The following ACP4 variants were observed in gnomAD, a reference collection of about 807,000 sequenced individuals.
ACP4 encodes the protein testicular acid phosphatase.
A neutral mutation model predicts 47.3 loss-of-function variants in ACP4; 49 were observed. The observed-to-expected ratio is 1.04, with a 90% CI of 0.82 to 1.32. The LOEUF is 1.32. Among genes scored for constraint, ACP4 ranks in the 40% most tolerant of loss-of-function variants. ACP4 has a pLI of 0.00. For missense variants in ACP4, 594 were observed against 579.3 expected, an observed-to-expected ratio of 1.03 and a Z score of -0.26; for synonymous variants, 299 against 265.3, an observed-to-expected ratio of 1.13 and a Z score of -1.23.
chr19:50,795,202 C>T lies in ACP4; in HGVS notation c.*44C>T. The T allele has an allele frequency of 6.8e-7, 1 of 1,470,278 alleles. No homozygotes were observed. Among genetic ancestry groups the T allele is most frequent in the Non-Finnish European group, 9.1e-7 (1 of 1,098,464 alleles). The allele number at this position is 1,470,278 out of a possible 1,614,324, so 91.1% of individuals were successfully genotyped here. ...CCTACCCCCAGCTGACACTGGACCCCAACATGTATGCTCAGTAGCTGCTCT... is the reference window on the plus strand; with the variant it reads ...CCTACCCCCAGCTGACACTGGACCCTAACATGTATGCTCAGTAGCTGCTCT... On this transcript the variant is annotated 3_prime_UTR_variant, in exon 11 of 11. Coordinates refer to ENST00000270593, the MANE Select transcript of ACP4 (RefSeq NM_033068.3).
intron 6 of ACP4, chr19:50,793,442 G>C: frequency 3.8e-6 from 2 of 522,626 alleles, no homozygotes; most frequent in East Asian, 3.1e-5. Context: ...CTGAACCCGA[G>C]AGGCAAGGGT....
In ACP4 at chr19:50,790,442, C is replaced by T; in HGVS notation, c.28C>T (p.Pro10Ser). The T allele has an allele frequency of 1.3e-6, 2 of 1,586,404 alleles. No individual in the cohort carries two copies. Among genetic ancestry groups the T allele is most frequent in the East Asian group, 4.5e-5 (2 of 44,000 alleles). The change falls in exon 1 of 11, where the codon CCT becomes TCT. Residue 10 changes from proline to serine, a missense_variant. By Grantham distance (74) the Pro-to-Ser change is moderately conservative. Transcript: ENST00000270593. The stretch of plus-strand genomic sequence containing the variant: ...GGCCGGCCTGGGGTTTTGGGGCCAC[C>T]CTGCTGGACCTCTCCTGCTGCTGCT... MAGLGFWGH[P>S]AGPLLLLLLL...
rs112181425 is a variant in ACP4, at chr19:50,794,338, G to T, written c.862-119G>T. ...GTACTGCCTTCAGGATGGGAGGAAG[G>T]AGTAGCTTTGGGGGGTTGGTTCTAA... On this transcript the variant is annotated intron_variant, in intron 8 of 10. Coordinates refer to ENST00000270593, the MANE Select transcript of ACP4 (RefSeq NM_033068.3). 1.7e-3 allele frequency: 2,357 copies of T among 1,405,890 alleles called. 40 individuals carry two copies. In the African/African-American group the frequency reaches 0.029, roughly 17 times the overall value. The allele number at this position is 1,405,890 out of a possible 1,614,324, so 87.1% of individuals were successfully genotyped here. A position where few individuals can be genotyped will look rare whatever the true frequency, so the allele number is the denominator to read the frequency against.
Position 50,793,934 on chromosome 19 carries a change from C to G in ACP4, c.825C>G (p.Arg275=). The G allele has an allele frequency of 6.2e-7, 1 of 1,614,134 alleles. No homozygotes were observed. The highest frequency in any genetic ancestry group is 1.3e-5 in the African/African-American group (1 of 75,050). ...TTGCAAACTTCTCCCGGGTCCAGCGCCTGGGGCTGCCCCTCAAGATGGTCA... is the reference window on the plus strand; with the variant it reads ...TTGCAAACTTCTCCCGGGTCCAGCGGCTGGGGCTGCCCCTCAAGATGGTCA... ...AILANFSRVQ[R]LGLPLKMVMY... The change falls in exon 8 of 11, where the codon CGC becomes CGG. Residue 275 remains arginine, a synonymous_variant. Transcript: ENST00000270593.
At chr19:50,794,308 T>G in intron 8 of ACP4, 149 bp from the exon 9 acceptor site, 1 of 1,173,598 alleles carries the variant, frequency 8.5e-7, no homozygotes, top group South Asian at 1.5e-5. Context: ...CGCCTGCAAA[T>G]GTTGGTACTG....
At position 50,793,682 on chromosome 19, in the gene ACP4, A is replaced by G. The variant is rs781357596; in HGVS notation, c.646-2A>G. 6.2e-7 allele frequency: 1 copy of G among 1,613,022 alleles called. No homozygotes were observed. The highest frequency in any genetic ancestry group is 1.1e-5 in the South Asian group (1 of 91,052). On this transcript the variant is annotated splice_acceptor_variant, in intron 6 of 10. Transcript: ENST00000270593. LOFTEE classifies it high-confidence loss of function. ...TGGTCCATCTGTCCTGTCTCCCCACAGCAAGCCCACGGTCTTCCACTACCA... is the reference window on the plus strand; with the variant it reads ...TGGTCCATCTGTCCTGTCTCCCCACGGCAAGCCCACGGTCTTCCACTACCA...
chr19:50,794,672 G>T, intron 9 of ACP4, 91 bp downstream of exon 9: 1 of 1,601,388 alleles, frequency 6.2e-7, no homozygotes. Context: ...GCCAGGTGGG[G>T]AGCTGCATGG....
chr19:50,791,803 G>T lies in ACP4; in HGVS notation c.450+1G>T, dbSNP rs1288103573. ...CACGGTGCCCGTGGCTGAGGATAAG[G>T]TCAGGGGGCTGGACCCACGTGTGGC... On this transcript the variant is annotated splice_donor_variant, in intron 4 of 10. Coordinates refer to ENST00000270593, the MANE Select transcript of ACP4 (RefSeq NM_033068.3). LOFTEE classifies it high-confidence loss of function. The T allele has an allele frequency of 6.3e-7, 1 of 1,597,662 alleles. No homozygotes were observed. Among genetic ancestry groups the T allele is most frequent in the Non-Finnish European group, 8.5e-7 (1 of 1,171,900 alleles).
At chr19:50,794,046 G>A (rs2089533431) in intron 8 of ACP4, 76 bp downstream of exon 8, 3 of 1,549,312 alleles carry the variant, frequency 1.9e-6, no homozygotes, top group Admixed American at 1.7e-5. Context: ...GTGAGGAAGA[G>A]CCTGTGGTCC....
chr19:50,793,438 C>T (rs1040070313), intron 6 of ACP4: 1 of 510,948 alleles, frequency 2.0e-6, no homozygotes, highest in African/African-American at 1.9e-5. Flanking sequence ...TCACCTGAAC[C>T]CGAGAGGCAA....
intron 6 of ACP4, 177 bp downstream of exon 6, chr19:50,792,514 T>A (rs2089519010): frequency 1.6e-6 from 1 of 630,380 alleles, no homozygotes; most frequent in African/African-American, 1.8e-5. Flanking sequence ...GCTGTGAGGA[T>A]TCAAATGGGT....
At position 50,795,042 on chromosome 19, in the gene ACP4, G is replaced by T. The variant is rs772154409; in HGVS notation, c.1166-1G>T. On this transcript the variant is annotated splice_acceptor_variant, in intron 10 of 10. Coordinates refer to ENST00000270593, the MANE Select transcript of ACP4 (RefSeq NM_033068.3). LOFTEE classifies it high-confidence loss of function. The stretch of plus-strand genomic sequence containing the variant: ...TCACCCCCCGCGTGTTCTCCCTGCA[G>T]CTCCAGTGGTGCCCCTGCTGGCCGG... The T allele has an allele frequency of 5.6e-6, 9 of 1,611,350 alleles. No homozygotes were observed. In the East Asian group the frequency reaches 1.8e-4, roughly 32 times the overall value.
Position 50,794,984 on chromosome 19 carries a change from G to C in ACP4, c.1165+20G>C, listed in dbSNP as rs774700310. 1 of 1,613,356 alleles carries C rather than the reference G, an allele frequency of 6.2e-7. No homozygotes were observed. Among genetic ancestry groups the C allele is most frequent in the South Asian group, 1.1e-5 (1 of 91,064 alleles). Reference sequence around the variant, plus strand: ...CCCCAGGTGACAGTCCTCTGTGTTGGGGTGGGAGTGGAGGGTTGCCAAGTC... The same window carrying C: ...CCCCAGGTGACAGTCCTCTGTGTTGCGGTGGGAGTGGAGGGTTGCCAAGTC... On this transcript the variant is annotated intron_variant, in intron 10 of 10. Transcript: ENST00000270593.
At position 50,792,224 on chromosome 19, in the gene ACP4, C is replaced by G. The variant is rs1170384265; in HGVS notation, c.550-18C>G. On this transcript the variant is annotated intron_variant, in intron 5 of 10. Coordinates refer to ENST00000270593, the MANE Select transcript of ACP4 (RefSeq NM_033068.3). The stretch of plus-strand genomic sequence containing the variant: ...ATGCAGGGGATGGGCCTGGGCTCAC[C>G]CAGCCCCGCGCATCCAGGGCTTCCT... 3 of 1,612,396 alleles carry G rather than the reference C, an allele frequency of 1.9e-6. No individual in the cohort carries two copies. The highest frequency in any genetic ancestry group is 4.5e-5 in the East Asian group (2 of 44,890).
At chr19:50,793,862 T>C in intron 7 of ACP4, 26 bp from the exon 8 acceptor site, 1 of 1,613,752 alleles carries the variant, frequency 6.2e-7, no homozygotes. Flanking sequence ...TCTGGGAGAG[T>C]CTAAGCTCTT....
intron 4 of ACP4, 125 bp from the exon 5 acceptor site, chr19:50,791,948 G>A: frequency 6.9e-7 from 1 of 1,447,300 alleles, no homozygotes. Flanking sequence ...GGCCCACGCT[G>A]CTCTCCTGGA....
chr19:50,790,757 G>C lies in ACP4; in HGVS notation c.217-17G>C, dbSNP rs986080205. 6.5e-7 allele frequency: 1 copy of C among 1,545,924 alleles called. No individual in the cohort carries two copies. The highest frequency in any genetic ancestry group is 1.4e-5 in the African/African-American group (1 of 72,946). ...GGAGGGGTGGGGAGTGGTAGGCTGA[G>C]GCTGTTCTGTCCCCAGGAGGGGGTC... On this transcript the variant is annotated splice_polypyrimidine_tract_variant and intron_variant, in intron 2 of 10. Coordinates refer to ENST00000270593, the MANE Select transcript of ACP4 (RefSeq NM_033068.3).
chr19:50,791,390 T>TAGAG (rs1239542890), intron 3 of ACP4, among the ~76,000 whole-genome samples: 3 of 152,166 alleles, frequency 2.0e-5, no homozygotes, highest in Admixed American at 6.5e-5. Flanking sequence ...CTCCAGCCTC[T>TAGAG]ACTGATTCTG....
Position 50,795,047 on chromosome 19 carries a change from A to T in ACP4, c.1170A>T (p.Pro390=). ...GPYEAAIPPA[P]VVPLLAGAVA... is the part of the protein sequence containing the mutation. ...CCCCGCGTGTTCTCCCTGCAGCTCC[A>T]GTGGTGCCCCTGCTGGCCGGAGCTG... Residue 390 remains proline, a synonymous_variant, in exon 11 of 11, where the codon CCA becomes CCT. Coordinates refer to ENST00000270593, the MANE Select transcript of ACP4 (RefSeq NM_033068.3). 6.2e-7 allele frequency: 1 copy of T among 1,610,686 alleles called. No individual in the cohort carries two copies. The highest frequency in any genetic ancestry group is 8.5e-7 in the Non-Finnish European group (1 of 1,178,790).
Sources: allele counts gnomAD v4.1 joint callset (sites outside exome capture counted in the v4.1 genomes callset), GRCh38; gene constraint gnomAD v4.1.1; transcripts MANE v1.5; gene names NCBI Gene and HGNC (gene_info 2026-07-23, HGNC 2026-07-21).